The following SCG5 variants were observed in gnomAD, a reference collection of about 807,000 sequenced individuals.
The protein encoded by SCG5 is secretogranin V, also known as neuroendocrine protein 7B2.
SCG5 carries 18 observed loss-of-function variants against 25.7 expected under a neutral mutation model. That is an observed-to-expected ratio of 0.70 (90% CI 0.48 to 1.04). The LOEUF (loss-of-function observed/expected upper bound fraction) is 1.04, where lower values mean the gene tolerates loss of function less well. SCG5 is among the 50% of genes least tolerant of loss of function. The pLI is 0.00. For missense variants in SCG5, 206 were observed against 259.8 expected, an observed-to-expected ratio of 0.79 and a Z score of 1.42; for synonymous variants, 101 against 91.7, an observed-to-expected ratio of 1.10 and a Z score of -0.58.
chr15:32,690,878 C>T (rs1454373102), intron 4 of SCG5, among the ~76,000 whole-genome samples: 5 of 149,942 alleles, frequency 3.3e-5, no homozygotes, highest in African/African-American at 1.2e-4. Flanking sequence ...ACATCATTTT[C>T]CTCCAGATAA....
chr15:32,674,263 G>T (rs1055830323), intron 2 of SCG5, among the ~76,000 whole-genome samples: 2 of 152,164 alleles, frequency 1.3e-5, no homozygotes, highest in Non-Finnish European at 2.9e-5. Context: ...GAAACAGCAC[G>T]TTCTCTCTAA....
intron 1 of SCG5, among the ~76,000 whole-genome samples, chr15:32,642,639 A>G (rs928310010): frequency 6.6e-6 from 1 of 151,606 alleles, no homozygotes; most frequent in African/African-American, 2.4e-5. Context: ...CAAACACGTT[A>G]AGCAGCTGTG....
chr15:32,676,997 A>T (rs1285678963), intron 2 of SCG5, among the ~76,000 whole-genome samples: 1 of 152,198 alleles, frequency 6.6e-6, no homozygotes, highest in East Asian at 1.9e-4. Context: ...AAAAGAATAT[A>T]ATTATAAATG....
At chr15:32,671,316 A>G (rs1294906104) in intron 2 of SCG5, among the ~76,000 whole-genome samples, 1 of 152,242 alleles carries the variant, frequency 6.6e-6, no homozygotes, top group Admixed American at 6.5e-5. Context: ...AAGGTCTTAT[A>G]AATAAGAGTG....
chr15:32,670,019 T>G (rs2054393179), intron 2 of SCG5, among the ~76,000 whole-genome samples: 1 of 152,218 alleles, frequency 6.6e-6, no homozygotes, highest in African/African-American at 2.4e-5. Flanking sequence ...AAGCTACAAA[T>G]GCAGTGCACT....
chr15:32,678,205 A>T (rs112108105), intron 2 of SCG5, among the ~76,000 whole-genome samples: 434 of 152,330 alleles, frequency 2.8e-3, no homozygotes, highest in Non-Finnish European at 5.1e-3. Context: ...AAAATGACAA[A>T]TCTGACTACA....
intron 2 of SCG5, among the ~76,000 whole-genome samples, chr15:32,657,199 G>GTATATATATATATATATATA (rs71113463): frequency 0.038 from 255 of 6,630 alleles, 79 homozygotes; most frequent in Non-Finnish European, 0.058. Context: ...TCATCCTCCT[G>GTATATATATATATATATATA]TATATATATA....
intron 2 of SCG5, among the ~76,000 whole-genome samples, chr15:32,657,257 CAT>C (rs1418926519): frequency 2.0e-5 from 2 of 100,846 alleles, no homozygotes; most frequent in African/African-American, 7.0e-5. Flanking sequence ...GGAAGATAGT[CAT>C]ATCTTTCAAT....
chr15:32,666,862 G>A (rs2054326340), intron 2 of SCG5, among the ~76,000 whole-genome samples: 1 of 152,196 alleles, frequency 6.6e-6, no homozygotes. Flanking sequence ...CTGGATTGCA[G>A]GCTGCACTTT....
intron 5 of SCG5, among the ~76,000 whole-genome samples, chr15:32,693,333 A>G (rs2054895944): frequency 6.6e-6 from 1 of 152,200 alleles, no homozygotes; most frequent in African/African-American, 2.4e-5. Context: ...GCTATAAAGG[A>G]TTTTACTTTA....
At chr15:32,691,120 C>A (rs1386351075) in intron 4 of SCG5, among the ~76,000 whole-genome samples, 1 of 152,160 alleles carries the variant, frequency 6.6e-6, no homozygotes, top group Non-Finnish European at 1.5e-5. Flanking sequence ...GCCCTGCCCC[C>A]CGACCCAACA....
At chr15:32,691,282 G>A (rs1204451848) in intron 4 of SCG5, among the ~76,000 whole-genome samples, 2 of 152,168 alleles carry the variant, frequency 1.3e-5, no homozygotes, top group African/African-American at 2.4e-5. Flanking sequence ...AGAATGTCTC[G>A]TTTATTTACA....
At chr15:32,649,796 G>C (rs1222003622) in intron 2 of SCG5, among the ~76,000 whole-genome samples, 1 of 152,184 alleles carries the variant, frequency 6.6e-6, no homozygotes, top group Admixed American at 6.5e-5. Flanking sequence ...TGAAAAAAAA[G>C]AGTGTGTATG....
At chr15:32,680,075 T>A (rs2054590753) in intron 3 of SCG5, among the ~76,000 whole-genome samples, 160 bp downstream of exon 3, 1 of 152,208 alleles carries the variant, frequency 6.6e-6, no homozygotes, top group Non-Finnish European at 1.5e-5. Context: ...TATTCTAGAA[T>A]TTTTATATGA....
intron 3 of SCG5, among the ~76,000 whole-genome samples, chr15:32,683,318 CT>C (rs2054650588): frequency 6.6e-6 from 1 of 152,158 alleles, no homozygotes; most frequent in South Asian, 2.1e-4. Context: ...CTTCTTCCCC[CT>C]AACCCTGCAC....
chr15:32,658,590 G>A (rs1453985597), intron 2 of SCG5, among the ~76,000 whole-genome samples: 1 of 152,190 alleles, frequency 6.6e-6, no homozygotes, highest in Non-Finnish European at 1.5e-5. Context: ...GGGCACAGTG[G>A]CACATGGTCT....
chr15:32,647,164 T>G (rs1029294501), intron 2 of SCG5, among the ~76,000 whole-genome samples: 2 of 152,168 alleles, frequency 1.3e-5, no homozygotes, highest in African/African-American at 4.8e-5. Context: ...TTCACTTACT[T>G]GTAAGCAGGT....
At chr15:32,642,568 CAAAAAAAAAAAAAA>C (rs11338067) in intron 1 of SCG5, among the ~76,000 whole-genome samples, 2 of 49,734 alleles carry the variant, frequency 4.0e-5, no homozygotes, top group African/African-American at 1.6e-4. Context: ...AACTCCGTCT[CAAAAAAAAAAAAAA>C]AAAAAAAAAA....
At chr15:32,652,833 A>G (rs2054054822) in intron 2 of SCG5, among the ~76,000 whole-genome samples, 1 of 152,210 alleles carries the variant, frequency 6.6e-6, no homozygotes, top group Non-Finnish European at 1.5e-5. Context: ...TTTTACAACT[A>G]TAACTATTAG....
Sources: allele counts gnomAD v4.1 joint callset (sites outside exome capture counted in the v4.1 genomes callset), GRCh38; gene constraint gnomAD v4.1.1; transcripts MANE v1.5; gene names NCBI Gene and HGNC (gene_info 2026-07-23, HGNC 2026-07-21).